Variants in CAMK1D observed in about 807,000 individuals in gnomAD.
CAMK1D encodes calcium/calmodulin-dependent protein kinase type 1D.
CAMK1D carries 9 observed loss-of-function variants against 47.7 expected under a neutral mutation model. That is an observed-to-expected ratio of 0.19 (90% CI 0.11 to 0.33). The LOEUF (loss-of-function observed/expected upper bound fraction) is 0.33. Ranked by LOEUF, CAMK1D falls within the 10% of genes least tolerant of loss-of-function variation. The probability of loss-of-function intolerance (pLI) is 1.00; values close to 1 mark genes in which losing one functional copy is unlikely to be tolerated. For missense variants in CAMK1D, 291 were observed against 488.7 expected (o/e 0.60, Z 3.81); for synonymous variants, 184 against 184.9 (o/e 0.99, Z 0.04).
chr10:12,458,105 C>T (rs1365975488), intron 1 of CAMK1D, among the ~76,000 whole-genome samples: 1 of 152,094 alleles, frequency 6.6e-6, no homozygotes, highest in Non-Finnish European at 1.5e-5. Flanking sequence ...CATTTCTTAG[C>T]TCAGAAGCAA....
intron 3 of CAMK1D, among the ~76,000 whole-genome samples, chr10:12,712,984 T>C (rs141329150): frequency 1.3e-5 from 2 of 152,304 alleles, no homozygotes; most frequent in East Asian, 3.9e-4. Flanking sequence ...GTAAAAAATA[T>C]ATACTTCTCC....
At chr10:12,738,067 A>G (rs1183365177) in intron 3 of CAMK1D, among the ~76,000 whole-genome samples, 3 of 152,252 alleles carry the variant, frequency 2.0e-5, no homozygotes, top group South Asian at 4.1e-4. Context: ...CCTCAAGACA[A>G]TAAATAGTGA....
At chr10:12,570,180 A>T (rs1384690545) in intron 2 of CAMK1D, among the ~76,000 whole-genome samples, 1 of 152,102 alleles carries the variant, frequency 6.6e-6, no homozygotes, top group African/African-American at 2.4e-5. Context: ...AGCCTGGGCG[A>T]CAGAGTGAGA....
At position 12,762,162 on chromosome 10, in the gene CAMK1D, G is replaced by A. The variant is rs192734676; in HGVS notation, c.438+1076G>A. ...AAAGCAGTGCGGTTGACCCAAAGCT[G>A]CAATGTGACCTCATTCTAGGATGTT... On this transcript the variant is annotated intron_variant, in intron 4 of 10. Transcript: ENST00000619168. Among the ~76,000 whole-genome samples the A allele has an allele frequency of 3.9e-5, 6 of 152,256 alleles. No individual in the cohort carries two copies. The East Asian group carries it at 1.2e-3, about 29-fold the overall frequency.
intron 1 of CAMK1D, among the ~76,000 whole-genome samples, chr10:12,375,775 G>A (rs1220440647): frequency 6.6e-6 from 1 of 152,168 alleles, no homozygotes; most frequent in African/African-American, 2.4e-5. Flanking sequence ...TTTATGGGAA[G>A]CAGTGTGTAT....
intron 1 of CAMK1D, among the ~76,000 whole-genome samples, chr10:12,478,172 AT>A (rs1833958135): frequency 6.7e-6 from 1 of 148,574 alleles, no homozygotes; most frequent in African/African-American, 2.5e-5. Flanking sequence ...CGCTCTGCTA[AT>A]TTTTTTGTAT....
chr10:12,570,847 G>T (rs1837302058), intron 2 of CAMK1D, among the ~76,000 whole-genome samples: 1 of 152,086 alleles, frequency 6.6e-6, no homozygotes, highest in African/African-American at 2.4e-5. Context: ...AGCTACTCAG[G>T]AGGCTGAGAG....
At chr10:12,725,454 G>T (rs1278141288) in intron 3 of CAMK1D, 1 of 154,802 alleles carries the variant, frequency 6.5e-6, no homozygotes, top group Non-Finnish European at 1.5e-5. Context: ...TAATTTTCAA[G>T]AGAGAGTAAA....
intron 1 of CAMK1D, among the ~76,000 whole-genome samples, chr10:12,356,053 GAGCCTGCCTGGGATTTTGC>G (rs1837504641): frequency 6.6e-6 from 1 of 152,032 alleles, no homozygotes; most frequent in South Asian, 2.1e-4. Flanking sequence ...CCTGATGTGG[GAGCCTGCCTGGGATTTTGC>G]AGTGAGCCGA....
At chr10:12,685,602 T>G (rs1228710727) in intron 3 of CAMK1D, among the ~76,000 whole-genome samples, 4 of 152,230 alleles carry the variant, frequency 2.6e-5, no homozygotes, top group Non-Finnish European at 5.9e-5. Context: ...CTGTTCATCA[T>G]CTGTTTCCAG....
chr10:12,764,381 C>CAAAAAAAAAAAAAAAAAAAAAA lies in CAMK1D; in HGVS notation c.438+3312_438+3313insAAAAAAAAAAAAAAAAAAAAAA, dbSNP rs56657709. Reference sequence around the variant, plus strand: ...GGGCAACAAGAATGACACTTTGTCTCAAAAAAAAAAAAAAAAACATTGATC... The same window carrying CAAAAAAAAAAAAAAAAAAAAAA: ...GGGCAACAAGAATGACACTTTGTCTCAAAAAAAAAAAAAAAAAAAAAAAAAAAAAAAAAAAAAAACATTGATC... On this transcript the variant is annotated intron_variant, in intron 4 of 10. Transcript: ENST00000619168. Among the ~76,000 whole-genome samples the CAAAAAAAAAAAAAAAAAAAAAA allele has an allele frequency of 2.3e-4, 18 of 77,960 alleles. 3 individuals carry two copies. Among genetic ancestry groups the CAAAAAAAAAAAAAAAAAAAAAA allele is most frequent in the African/African-American group, 8.8e-4 (18 of 20,516 alleles). The allele number at this position is 77,960 out of a possible 152,430, so 51.1% of individuals were successfully genotyped here.
intron 5 of CAMK1D, among the ~76,000 whole-genome samples, chr10:12,781,722 G>C (rs2130966544): frequency 6.7e-6 from 1 of 150,274 alleles, no homozygotes; most frequent in African/African-American, 2.5e-5. Flanking sequence ...CACGAGCTCA[G>C]CTCACTGCAG....
intron 2 of CAMK1D, among the ~76,000 whole-genome samples, chr10:12,577,931 A>G (rs1249388965): frequency 6.6e-6 from 1 of 152,258 alleles, no homozygotes; most frequent in African/African-American, 2.4e-5. Context: ...CCAATCATCC[A>G]TGCAGTCAAC....
At chr10:12,500,274 C>CAAAACA (rs763799717) in intron 1 of CAMK1D, among the ~76,000 whole-genome samples, 39 of 152,156 alleles carry the variant, frequency 2.6e-4, no homozygotes, top group African/African-American at 8.9e-4. Flanking sequence ...TTCAAAAACA[C>CAAAACA]AAAACAAAAA....
intron 2 of CAMK1D, among the ~76,000 whole-genome samples, chr10:12,601,829 C>G (rs1838313245): frequency 2.6e-5 from 4 of 152,194 alleles, no homozygotes; most frequent in Admixed American, 6.5e-5. Flanking sequence ...TTTCTTCTCC[C>G]CTGCAGAATC....
chr10:12,611,975 T>C (rs1214896440), intron 2 of CAMK1D, among the ~76,000 whole-genome samples: 1 of 152,262 alleles, frequency 6.6e-6, no homozygotes, highest in African/African-American at 2.4e-5. Flanking sequence ...ATTTCATTTC[T>C]GAGGCCAGTC....
chr10:12,797,116 C>T (rs965195807), intron 6 of CAMK1D, among the ~76,000 whole-genome samples: 2 of 152,016 alleles, frequency 1.3e-5, no homozygotes, highest in African/African-American at 4.8e-5. Context: ...CTGTGCTGGT[C>T]TCCAGGCCAC....
chr10:12,389,546 T>C (rs1023819851), intron 1 of CAMK1D, among the ~76,000 whole-genome samples: 1 of 152,112 alleles, frequency 6.6e-6, no homozygotes, highest in African/African-American at 2.4e-5. Flanking sequence ...CTCTGCACGT[T>C]GGCAGAATAA....
In CAMK1D at chr10:12,480,236, C is replaced by T. The variant is rs112961311; in HGVS notation, c.93-72989C>T. Among the ~76,000 whole-genome samples the T allele has an allele frequency of 4.5e-3, 687 of 152,218 alleles. 1 individual carries two copies. Among genetic ancestry groups the T allele is most frequent in the Non-Finnish European group, 7.7e-3 (521 of 68,020 alleles). On this transcript the variant is annotated intron_variant, in intron 1 of 10. Coordinates refer to ENST00000619168, the MANE Select transcript of CAMK1D (RefSeq NM_153498.4). Reference sequence around the variant, plus strand: ...AGGCCGAGATGGGTGGTCAGGAGTTCGAGACCAGCCTGGCCAACTGAAATC... The same window carrying T: ...AGGCCGAGATGGGTGGTCAGGAGTTTGAGACCAGCCTGGCCAACTGAAATC...
Sources: gnomAD v4.1 joint callset for allele counts (sites outside exome capture counted in the v4.1 genomes callset) on GRCh38, gnomAD v4.1.1 for gene constraint, MANE v1.5 for transcripts, NCBI Gene and HGNC (gene_info 2026-07-23, HGNC 2026-07-21) for gene names.